Variants in SLC5A9 observed in about 807,000 individuals in gnomAD.
SLC5A9 encodes sodium/glucose cotransporter 4.
SLC5A9 carries 59 observed loss-of-function variants against 70.9 expected under a neutral mutation model. That is an observed-to-expected ratio of 0.83 (90% CI 0.68 to 1.03). The LOEUF is 1.03. Ranked by LOEUF, SLC5A9 falls within the 50% of genes least tolerant of loss-of-function variation. The pLI is 0.00. For synonymous variants in SLC5A9, 340 were observed against 346.5 expected (o/e 0.98, Z 0.21); for missense variants, 832 against 881.1 (o/e 0.94, Z 0.71).
At position 48,239,446 on chromosome 1, in the gene SLC5A9, A is replaced by G. The variant is rs549710132; in HGVS notation, c.1586A>G (p.His529Arg). The change falls in exon 12 of 14, where the codon CAC (histidine) becomes CGC (arginine). Residue 529 changes from histidine (H) to arginine (R), a missense_variant. Physicochemically the swap from His to Arg is conservative, Grantham distance 29. Transcript: ENST00000438567. The surrounding 1 kb of genome is among the most constrained non-coding windows in gnomAD (Gnocchi z 4.2). The part of the protein sequence containing the change: ...DRRPAVLKDF[H>R]YLYFAILLCG... Reference sequence around the variant, plus strand: ...AGGCCAGCAGTGCTGAAGGACTTCCACTACCTGTACTTTGCAATCCTCCTC... The same window carrying G: ...AGGCCAGCAGTGCTGAAGGACTTCCGCTACCTGTACTTTGCAATCCTCCTC... 1 of 1,614,166 alleles carries G rather than the reference A, an allele frequency of 6.2e-7. No individual in the cohort carries two copies. The highest frequency in any genetic ancestry group is 1.3e-5 in the African/African-American group (1 of 75,038).
In SLC5A9 at chr1:48,231,612, C is replaced by A. The variant is rs1302212113; in HGVS notation, c.678C>A (p.Val226=). 5 of 1,614,130 alleles carry A rather than the reference C, an allele frequency of 3.1e-6. No individual in the cohort carries two copies. In the East Asian group the frequency reaches 1.1e-4, roughly 36 times the overall value. Residue 226 remains valine, a synonymous_variant, in exon 6 of 14, where the codon GTC becomes GTA. Transcript: ENST00000438567. ...QTVIMVGGAL[V]LMFLGFQDVG... is the part of the protein sequence containing the mutation. ...TGATCATGGTAGGGGGAGCCCTGGTCCTCATGTTTCTGGGTAAGGAAGAGA... is the reference window on the plus strand; with the variant it reads ...TGATCATGGTAGGGGGAGCCCTGGTACTCATGTTTCTGGGTAAGGAAGAGA...
intron 9 of SLC5A9, among the ~76,000 whole-genome samples, chr1:48,234,762 A>G (rs959498658): frequency 3.3e-5 from 5 of 152,074 alleles, no homozygotes; most frequent in African/African-American, 4.8e-5. Context: ...AGTAGTGGCC[A>G]TGGAGGGAGG....
At chr1:48,231,428 C>A in intron 5 of SLC5A9, 117 bp from the exon 6 acceptor site, 1 of 1,275,308 alleles carries the variant, frequency 7.8e-7, no homozygotes, top group East Asian at 2.5e-5. Context: ...CAGAGTTCCC[C>A]TGCTAAGAGG....
Position 48,239,424 on chromosome 1 carries a change from C to G in SLC5A9, c.1564C>G (p.Pro522Ala). 1.9e-6 allele frequency: 3 copies of G among 1,614,172 alleles called. No individual in the cohort carries two copies. Among genetic ancestry groups the G allele is most frequent in the Non-Finnish European group, 2.5e-6 (3 of 1,180,030 alleles). ...AGCCTGTGGGGAGGTGGACCGGAGG[C>G]CAGCAGTGCTGAAGGACTTCCACTA... is the stretch of plus-strand genomic sequence containing the variant. The part of the protein sequence containing the change: ...APACGEVDRR[P>A]AVLKDFHYLY... The change falls in exon 12 of 14, where the codon CCA becomes GCA. Residue 522 changes from proline to alanine, a missense_variant. Physicochemically the swap from Pro to Ala is conservative, Grantham distance 27. Coordinates refer to ENST00000438567, the MANE Select transcript of SLC5A9 (RefSeq NM_001011547.3). This position sits in a 1 kb window ranked among gnomAD's most constrained non-coding sequence, Gnocchi z 4.2.
chr1:48,229,170 G>A, intron 3 of SLC5A9, 125 bp from the exon 4 acceptor site: 1 of 1,614,076 alleles, frequency 6.2e-7, no homozygotes, highest in Non-Finnish European at 8.5e-7. Flanking sequence ...ACTGGGGTCA[G>A]GTCCCAGGTC....
Position 48,232,402 on chromosome 1 carries a change from G to A in SLC5A9, c.933G>A (p.Leu311=). Residue 311 remains leucine, a synonymous_variant, in exon 8 of 14, where the codon CTG becomes CTA. Transcript: ENST00000438567. ...AGCGGTCTCTCTCGGCCAAGAGTCT[G>A]TCTCATGCCAAGGGAGGCTCCGTGC... is the stretch of plus-strand genomic sequence containing the variant. ...IVQRSLSAKS[L]SHAKGGSVLG... 1 of 1,614,180 alleles carries A rather than the reference G, an allele frequency of 6.2e-7. No individual in the cohort carries two copies. Among genetic ancestry groups the A allele is most frequent in the South Asian group, 1.1e-5 (1 of 91,082 alleles).
At chr1:48,234,595 A>G (rs1356907120) in intron 9 of SLC5A9, among the ~76,000 whole-genome samples, 1 of 152,150 alleles carries the variant, frequency 6.6e-6, no homozygotes, top group African/African-American at 2.4e-5. Flanking sequence ...GGGATAATAT[A>G]GACAGAGAAA....
At position 48,230,717 on chromosome 1, in the gene SLC5A9, G is replaced by C; in HGVS notation, c.610+12G>C. 1 of 1,599,968 alleles carries C rather than the reference G, an allele frequency of 6.3e-7. No individual in the cohort carries two copies. Among genetic ancestry groups the C allele is most frequent in the Non-Finnish European group, 8.6e-7 (1 of 1,167,534 alleles). On this transcript the variant is annotated intron_variant, in intron 5 of 13. Transcript: ENST00000438567. The stretch of plus-strand genomic sequence containing the variant: ...CTACACCATTGCAGGTAGGCAGAGG[G>C]AAGAGGGCAAGAGGAAAGCTTCTGA...
chr1:48,231,082 A>G (rs1215670641), intron 5 of SLC5A9, among the ~76,000 whole-genome samples: 1 of 152,210 alleles, frequency 6.6e-6, no homozygotes, highest in Non-Finnish European at 1.5e-5. Context: ...CCCCAGGCAG[A>G]GACCACAACC....
At chr1:48,238,374 A>C in intron 11 of SLC5A9, 1 of 152,764 alleles carries the variant, frequency 6.5e-6, no homozygotes. Context: ...AATGACAATG[A>C]TGATGACAAA....
At chr1:48,237,654 C>T (rs1166931782) in intron 10 of SLC5A9, 25 bp from the exon 11 acceptor site, 7 of 1,611,126 alleles carry the variant, frequency 4.3e-6, no homozygotes, top group Non-Finnish European at 5.9e-6. Context: ...GAGTGTGCCT[C>T]AGTGCCCTGT....
At chr1:48,242,983 A>G (rs538933436) in intron 13 of SLC5A9, among the ~76,000 whole-genome samples, 1 of 120,742 alleles carries the variant, frequency 8.3e-6, no homozygotes, top group Non-Finnish European at 2.0e-5. Flanking sequence ...CCTGTAAAGA[A>G]GGGCATGGCT....
At chr1:48,228,664 C>T in intron 2 of SLC5A9, 186 bp from the exon 3 acceptor site, 3 of 960,878 alleles carry the variant, frequency 3.1e-6, no homozygotes, top group Non-Finnish European at 4.5e-6. Context: ...GTTCCTTCCT[C>T]TGTAACCTGG....
At chr1:48,228,285 T>C (rs1209891787) in intron 2 of SLC5A9, 1 of 153,484 alleles carries the variant, frequency 6.5e-6, no homozygotes, top group Non-Finnish European at 1.5e-5. Flanking sequence ...GCCAGCTGGT[T>C]CCTGGAGATG....
rs1557473754 is a variant in SLC5A9 at position 48,232,352 on chromosome 1, T to G, written c.898-15T>G. 6.2e-7 allele frequency: 1 copy of G among 1,613,824 alleles called. No individual in the cohort carries two copies. The highest frequency in any genetic ancestry group is 1.1e-5 in the South Asian group (1 of 91,018). On this transcript the variant is annotated splice_polypyrimidine_tract_variant and intron_variant, in intron 7 of 13. Coordinates refer to ENST00000438567, the MANE Select transcript of SLC5A9 (RefSeq NM_001011547.3). ...CCTCTACCTGCGCTGCACTCCTCAT[T>G]TGCTGCCCTTTCAGGTCATTGTGCA...
chr1:48,243,306 C>T (rs1644413725), intron 13 of SLC5A9, among the ~76,000 whole-genome samples: 1 of 152,114 alleles, frequency 6.6e-6, no homozygotes, highest in Non-Finnish European at 1.5e-5. Flanking sequence ...TCATGAGGTT[C>T]CTACAAAACA....
intron 13 of SLC5A9, among the ~76,000 whole-genome samples, chr1:48,243,217 T>A (rs1011809032): frequency 2.6e-5 from 4 of 152,056 alleles, no homozygotes; most frequent in Non-Finnish European, 5.9e-5. Context: ...GCTCAACAAG[T>A]CTGCCTATAG....
At chr1:48,240,815 C>T (rs965096075) in intron 12 of SLC5A9, among the ~76,000 whole-genome samples, 11 of 152,186 alleles carry the variant, frequency 7.2e-5, no homozygotes, top group African/African-American at 2.4e-4. Context: ...CTCCACTTCC[C>T]ACCTCTTGTC....
rs940889730 is a variant in SLC5A9, at chr1:48,239,482, C to T, written c.1622C>T (p.Thr541Ile). The change falls in exon 12 of 14, where the codon ACT becomes ATT. Residue 541 changes from threonine (T) to isoleucine (I), a missense_variant. Coordinates refer to ENST00000438567, the MANE Select transcript of SLC5A9 (RefSeq NM_001011547.3). This position sits in a 1 kb window ranked among gnomAD's most constrained non-coding sequence, Gnocchi z 4.2. ...LYFAILLCGL[T>I]AIVIVIVSLC... ...TTTGCAATCCTCCTCTGCGGGCTCA[C>T]TGCCATCGTCATTGTCATTGTCAGC... The T allele has an allele frequency of 1.2e-5, 19 of 1,614,106 alleles. No individual in the cohort carries two copies. The highest frequency in any genetic ancestry group is 1.6e-5 in the Non-Finnish European group (19 of 1,180,042).
Sources: gnomAD v4.1 joint callset for allele counts (sites outside exome capture counted in the v4.1 genomes callset) on GRCh38, gnomAD v4.1.1 for gene constraint, Gnocchi (gnomAD v3.1) non-coding constraint, MANE v1.5 for transcripts, NCBI Gene and HGNC (gene_info 2026-07-23, HGNC 2026-07-21) for gene names.